Variants in MPRIP observed in about 807,000 individuals in gnomAD.
The protein encoded by MPRIP is myosin phosphatase Rho interacting protein.
A neutral mutation model predicts 234.9 loss-of-function variants in MPRIP; 59 were observed. The observed-to-expected ratio is 0.25, with a 90% CI of 0.20 to 0.31. The LOEUF (loss-of-function observed/expected upper bound fraction) is 0.31, where lower values mean the gene tolerates loss of function less well. Among genes scored for constraint, MPRIP ranks in the 10% least tolerant of loss-of-function variants. The pLI is 1.00. For missense variants in MPRIP, 2,436 were observed against 3,071.0 expected (o/e 0.79, Z 4.89); for synonymous variants, 1,144 against 1,263.9 (o/e 0.91, Z 2.01).
At chr17:17,079,319 C>T (rs1214948717) in intron 3 of MPRIP, among the ~76,000 whole-genome samples, 1 of 152,168 alleles carries the variant, frequency 6.6e-6, no homozygotes, top group Non-Finnish European at 1.5e-5. Context: ...ATGATTAGAG[C>T]ATAGGGGGTT....
At chr17:17,099,747 G>C (rs138440149) in intron 3 of MPRIP, among the ~76,000 whole-genome samples, 5 of 152,188 alleles carry the variant, frequency 3.3e-5, no homozygotes, top group African/African-American at 9.6e-5. Flanking sequence ...AAAAAATGTA[G>C]ACAATAAAAA....
chr17:17,158,689 C>G lies in MPRIP; in HGVS notation c.2087C>G (p.Pro696Arg), dbSNP rs1250358908. Residue 696 changes from proline (P) to arginine (R), a missense_variant, in exon 14 of 24, where the codon CCT (proline) becomes CGT (arginine). By Grantham distance (103) the Pro-to-Arg change is moderately radical. This residue lies in a region of MPRIP where 1,998 missense variants were observed against 2,520.3 expected (regional missense o/e 0.79). Coordinates refer to ENST00000651222, the MANE Select transcript of MPRIP (RefSeq NM_001364716.4). ...GAGCCCCTGCGCCCTGAGGCGGAGCCTGGGGAGCTGGAGCGGGAGCGTGCA... is the reference window on the plus strand; with the variant it reads ...GAGCCCCTGCGCCCTGAGGCGGAGCGTGGGGAGCTGGAGCGGGAGCGTGCA... ...THEPLRPEAE[P>R]GELERERARR... 6.2e-6 allele frequency: 10 copies of G among 1,608,904 alleles called. No individual in the cohort carries two copies. The highest frequency in any genetic ancestry group is 8.5e-6 in the Non-Finnish European group (10 of 1,178,996).
chr17:17,043,021 C>A, intron 1 of MPRIP, 50 bp downstream of exon 1: 2 of 1,575,022 alleles, frequency 1.3e-6, no homozygotes, highest in South Asian at 2.2e-5. Flanking sequence ...AGCCGCGGGT[C>A]GGCGGCCGGG....
intron 1 of MPRIP, among the ~76,000 whole-genome samples, chr17:17,055,049 CAA>C (rs74955320): frequency 8.0e-5 from 10 of 125,700 alleles, no homozygotes; most frequent in Non-Finnish European, 1.0e-4. Context: ...GACCCTGTAT[CAA>C]AAAAAAAAAA....
chr17:17,190,157 C>T lies in MPRIP; in HGVS notation c.*5263C>T, dbSNP rs1267158324. On this transcript the variant is annotated 3_prime_UTR_variant, in exon 24 of 24. Coordinates refer to ENST00000651222, the MANE Select transcript of MPRIP (RefSeq NM_001364716.4). ...CCATATACAAGCACACTTCTTCCTT[C>T]CCCTGGCTTCTCCATGCCACCACCC... The T allele has an allele frequency of 1.3e-5, 2 of 152,242 alleles. No homozygotes were observed. Among genetic ancestry groups the T allele is most frequent in the East Asian group, 3.8e-4 (2 of 5,198 alleles). 9.4% of individuals were successfully genotyped at this position (152,242 alleles called of 1,614,324 possible). A position where few individuals can be genotyped will look rare whatever the true frequency, so the allele number is the denominator to read the frequency against.
rs746394736 is a variant in MPRIP, at chr17:17,136,437, A to C, written c.723A>C (p.Leu241=). The C allele has an allele frequency of 9.9e-6, 16 of 1,609,794 alleles. No homozygotes were observed. In the African/African-American group the frequency reaches 2.1e-4, roughly 22 times the overall value. Residue 241 remains leucine (L), a synonymous_variant, in exon 6 of 24, where the codon CTA becomes CTC. Coordinates refer to ENST00000651222, the MANE Select transcript of MPRIP (RefSeq NM_001364716.4). ...CCAGCTCCCTGCGGGAACCTGGGCT[A>C]GAGAGCAAAGAAGGTGAGCGGAGGC... ...PAASSLREPG[L]ESKEEESAMS...
chr17:17,140,024 C>T (rs1451200127), intron 7 of MPRIP, among the ~76,000 whole-genome samples: 1 of 152,158 alleles, frequency 6.6e-6, no homozygotes, highest in Non-Finnish European at 1.5e-5. Flanking sequence ...CCAGGAAGTC[C>T]CTGCTCCCAT....
intron 3 of MPRIP, among the ~76,000 whole-genome samples, chr17:17,097,537 C>T (rs749748634): frequency 1.1e-4 from 16 of 152,142 alleles, no homozygotes; most frequent in Admixed American, 2.0e-4. Flanking sequence ...CTTTCCTATC[C>T]TTCTATGCAT....
At chr17:17,085,717 T>C (rs1330605157) in intron 3 of MPRIP, among the ~76,000 whole-genome samples, 1 of 152,070 alleles carries the variant, frequency 6.6e-6, no homozygotes, top group East Asian at 1.9e-4. Flanking sequence ...ATCGAGACCA[T>C]CTAGCTAACA....
rs1567781841 is a variant in MPRIP, at chr17:17,180,077, A to G, written c.7195A>G (p.Ile2399Val). The G allele has an allele frequency of 1.9e-6, 3 of 1,593,354 alleles. No individual in the cohort carries two copies. In the Admixed American group the frequency reaches 5.7e-5, roughly 30 times the overall value. The change falls in exon 23 of 24, where the codon ATC becomes GTC. Residue 2399 changes from isoleucine (I) to valine (V), a missense_variant. Transcript: ENST00000651222. ...RSCVTRQLRN[I>V]RSKSLKEGLT... is the part of the protein sequence containing the mutation. The stretch of plus-strand genomic sequence containing the variant: ...CTGTGTCACCCGGCAACTCAGAAAC[A>G]TCAGGTCCAAGGTGAGTCTGGGGTC...
rs138117552 is a variant in MPRIP, at chr17:17,158,930, C to T, written c.2328C>T (p.Pro776=). ...AAGAGAAGCAGGTGCCCATCGCCCC[C>T]GTCCACCTGTCTTCTGAAGATGGGG... ...LREEKQVPIA[P]VHLSSEDGGD... The change falls in exon 14 of 24, where the codon CCC becomes CCT. Residue 776 remains proline (P), a synonymous_variant. Coordinates refer to ENST00000651222, the MANE Select transcript of MPRIP (RefSeq NM_001364716.4). 4.5e-5 allele frequency: 73 copies of T among 1,612,670 alleles called. No individual in the cohort carries two copies. The highest frequency in any genetic ancestry group is 5.8e-5 in the Non-Finnish European group (69 of 1,179,984).
Position 17,166,923 on chromosome 17 carries a change from A to C in MPRIP, c.5332A>C (p.Ile1778Leu), listed in dbSNP as rs1353955563. 7.7e-7 allele frequency: 1 copy of C among 1,304,124 alleles called. No homozygotes were observed. Among genetic ancestry groups the C allele is most frequent in the Admixed American group, 2.3e-5 (1 of 43,570 alleles). 80.8% of individuals were successfully genotyped at this position (1,304,124 alleles called of 1,614,324 possible). Residue 1778 changes from isoleucine (I) to leucine (L), a missense_variant, in exon 16 of 24, where the codon ATT becomes CTT. Ile to Leu is a conservative substitution (Grantham distance 5). Transcript: ENST00000651222. This position sits in a 1 kb window ranked among gnomAD's most constrained non-coding sequence, Gnocchi z 4.4. ...CCAGAGCCCTGGGGCCTTTGTTGCT[A>C]TTCAGGAGGAGCTTGCCCAGCAGCT... ...SDQSPGAFVA[I>L]QEELAQQLKE...
At chr17:17,172,010 T>C (rs1195665958) in intron 17 of MPRIP, 145 bp downstream of exon 17, 1 of 1,017,106 alleles carries the variant, frequency 9.8e-7, no homozygotes, top group Non-Finnish European at 1.4e-6. Flanking sequence ...GACTATTCAC[T>C]CTGAGGCAAA....
chr17:17,172,448 C>G (rs2046159727), intron 17 of MPRIP, among the ~76,000 whole-genome samples: 1 of 152,156 alleles, frequency 6.6e-6, no homozygotes, highest in Non-Finnish European at 1.5e-5. Context: ...TGGTTTTCTT[C>G]TAACACCAAA....
At chr17:17,106,930 C>T (rs2090074008) in intron 3 of MPRIP, among the ~76,000 whole-genome samples, 1 of 152,216 alleles carries the variant, frequency 6.6e-6, no homozygotes, top group African/African-American at 2.4e-5. Context: ...ATAACGACTT[C>T]TTTCCCAGAT....
Position 17,131,792 on chromosome 17 carries a change from C to T in MPRIP, c.504+91C>T, listed in dbSNP as rs184461651. On this transcript the variant is annotated intron_variant, in intron 5 of 23. Coordinates refer to ENST00000651222, the MANE Select transcript of MPRIP (RefSeq NM_001364716.4). The stretch of plus-strand genomic sequence containing the variant: ...TCCCTGAGGTTAGAGGGTGAGGACA[C>T]AGTCAGGCCAGGGCTGAGGCAGTCA... 61 of 1,168,560 alleles carry T rather than the reference C, an allele frequency of 5.2e-5. No homozygotes were observed. The African/African-American group carries it at 7.7e-4, about 15-fold the overall frequency. 72.4% of individuals were successfully genotyped at this position (1,168,560 alleles called of 1,614,324 possible).
intron 16 of MPRIP, among the ~76,000 whole-genome samples, chr17:17,169,300 G>A (rs2046078695): frequency 6.6e-6 from 1 of 152,182 alleles, no homozygotes; most frequent in Non-Finnish European, 1.5e-5. Context: ...CTTCCCTGCA[G>A]CTTCCCAGAC....
At chr17:17,110,091 G>A (rs2090140745) in intron 3 of MPRIP, among the ~76,000 whole-genome samples, 1 of 152,124 alleles carries the variant, frequency 6.6e-6, no homozygotes, top group African/African-American at 2.4e-5. Context: ...GGGCGGGGCA[G>A]CAAGTGGGTT....
At chr17:17,045,267 T>A (rs2088310393) in intron 1 of MPRIP, among the ~76,000 whole-genome samples, 1 of 152,224 alleles carries the variant, frequency 6.6e-6, no homozygotes. Context: ...TCTGGAGATG[T>A]CATCTTCCCA....
Sources: gnomAD v4.1 joint callset for allele counts (sites outside exome capture counted in the v4.1 genomes callset) on GRCh38, gnomAD v4.1.1 for gene constraint, gnomAD v4.1.1 regional missense constraint, Gnocchi (gnomAD v3.1) non-coding constraint, MANE v1.5 for transcripts, NCBI Gene and HGNC (gene_info 2026-07-23, HGNC 2026-07-21) for gene names.